Variants in RAI14 observed in about 807,000 individuals in gnomAD.
RAI14 encodes the protein retinoic acid induced 14.
A neutral mutation model predicts 115.4 loss-of-function variants in RAI14; 45 were observed. That is an observed-to-expected ratio of 0.39 (90% CI 0.31 to 0.50). The LOEUF (loss-of-function observed/expected upper bound fraction) is 0.50, where lower values mean the gene tolerates loss of function less well. Ranked by LOEUF, RAI14 falls within the 20% of genes least tolerant of loss-of-function variation. RAI14 has a pLI of 0.85. For missense variants in RAI14, 939 were observed against 1,131.2 expected, an observed-to-expected ratio of 0.83 and a Z score of 2.44; for synonymous variants, 371 against 415.4, an observed-to-expected ratio of 0.89 and a Z score of 1.30.
chr5:34,830,861 T>C lies in RAI14; in HGVS notation c.*96T>C. 6.4e-7 allele frequency: 1 copy of C among 1,569,734 alleles called. No homozygotes were observed. Among genetic ancestry groups the C allele is most frequent in the Non-Finnish European group, 8.6e-7 (1 of 1,157,628 alleles). On this transcript the variant is annotated 3_prime_UTR_variant, in exon 18 of 18. Coordinates refer to ENST00000265109, the MANE Select transcript of RAI14 (RefSeq NM_015577.3). The stretch of plus-strand genomic sequence containing the variant: ...GCTGCCATTGTTCTCATTCGTGGTA[T>C]GCACTGTGGCCTAGCGTAGCTTCTT...
At chr5:34,773,159 A>G (rs1750406785) in intron 3 of RAI14, among the ~76,000 whole-genome samples, 1 of 152,186 alleles carries the variant, frequency 6.6e-6, no homozygotes, top group Non-Finnish European at 1.5e-5. Flanking sequence ...GCAAAAAACG[A>G]TGGTGTGACC....
At chr5:34,757,390 C>A in intron 2 of RAI14, 78 bp from the exon 3 acceptor site, 1 of 1,523,792 alleles carries the variant, frequency 6.6e-7, no homozygotes. Flanking sequence ...GTGGGGGCTG[C>A]GAGGACTGCA....
intron 4 of RAI14, among the ~76,000 whole-genome samples, chr5:34,802,201 G>A (rs987162340): frequency 2.0e-5 from 3 of 152,148 alleles, no homozygotes; most frequent in Non-Finnish European, 4.4e-5. Context: ...GCTGCCTAAC[G>A]TCCTGTACTG....
At position 34,824,087 on chromosome 5, in the gene RAI14, G is replaced by T. The variant is rs748245032; in HGVS notation, c.2245G>T (p.Glu749Ter). 14 of 1,614,114 alleles carry T rather than the reference G, an allele frequency of 8.7e-6. No homozygotes were observed. Among genetic ancestry groups the T allele is most frequent in the South Asian group, 3.3e-5 (3 of 91,068 alleles). The change falls in exon 15 of 18, where the codon GAA becomes TAA. Residue 749 changes from glutamate to a stop codon, truncating the protein, a stop_gained. Coordinates refer to ENST00000265109, the MANE Select transcript of RAI14 (RefSeq NM_015577.3). LOFTEE classifies it high-confidence loss of function. ...GCGGACTGCAGCAAAAGAGATGGAA[G>T]AAAAAATAAGCAATCTTAAGGAACA... ...TLRTAAKEME[E>*]KISNLKEHLA...
intron 3 of RAI14, among the ~76,000 whole-genome samples, chr5:34,761,306 C>A (rs1256091897): frequency 6.6e-6 from 1 of 152,220 alleles, no homozygotes; most frequent in Non-Finnish European, 1.5e-5. Flanking sequence ...CCTGCCTCAG[C>A]CTCTCAATTA....
intron 1 of RAI14, among the ~76,000 whole-genome samples, chr5:34,682,812 G>A (rs947355866): frequency 6.6e-6 from 1 of 152,198 alleles, no homozygotes; most frequent in Non-Finnish European, 1.5e-5. Context: ...GTACATACTC[G>A]AATTAGGCTG....
At chr5:34,665,862 A>G (rs1191446816) in intron 1 of RAI14, among the ~76,000 whole-genome samples, 1 of 152,206 alleles carries the variant, frequency 6.6e-6, no homozygotes, top group Non-Finnish European at 1.5e-5. Flanking sequence ...CCTATCATAC[A>G]TGAGTGAAAA....
chr5:34,758,198 A>C (rs1055086075), intron 3 of RAI14, among the ~76,000 whole-genome samples: 1 of 152,192 alleles, frequency 6.6e-6, no homozygotes, highest in Admixed American at 6.5e-5. Context: ...ATCACTTACG[A>C]GTTGTGTAAT....
At chr5:34,785,932 A>G (rs1752242559) in intron 3 of RAI14, among the ~76,000 whole-genome samples, 1 of 152,212 alleles carries the variant, frequency 6.6e-6, no homozygotes, top group South Asian at 2.1e-4. Context: ...TTTTAAATGT[A>G]AACTAGACCT....
chr5:34,656,528 T>C (rs923926358), intron 1 of RAI14, 53 bp downstream of exon 1: 19 of 151,916 alleles, frequency 1.3e-4, no homozygotes, highest in African/African-American at 4.6e-4. Context: ...CCCGGGCTCG[T>C]GTCCCCGCCT....
Position 34,830,734 on chromosome 5 carries a change from CCAT to C in RAI14, c.2913_2915del (p.Met972del), listed in dbSNP as rs1460005129. 7 of 1,614,034 alleles carry C rather than the reference CCAT, an allele frequency of 4.3e-6. No homozygotes were observed. Among genetic ancestry groups the C allele is most frequent in the Non-Finnish European group, 5.9e-6 (7 of 1,180,018 alleles). On this transcript the variant is annotated inframe_deletion, in exon 18 of 18. Coordinates refer to ENST00000265109, the MANE Select transcript of RAI14 (RefSeq NM_015577.3). ...CAGAAAGTACTGAAGCAAATCCTTA[CCAT>C]GTGTAAAAACCAGTCTCAAAAGAAG...
At chr5:34,685,205 G>C (rs758053977) in intron 1 of RAI14, 2 of 146,976 alleles carry the variant, frequency 1.4e-5, no homozygotes, top group African/African-American at 2.5e-5. Context: ...AATATAGTGA[G>C]ACCCCATTCG....
intron 3 of RAI14, among the ~76,000 whole-genome samples, chr5:34,790,109 T>A (rs1252250025): frequency 1.3e-5 from 2 of 152,200 alleles, no homozygotes. Flanking sequence ...GAAAAGAAGT[T>A]CATAGTGTGG....
intron 2 of RAI14, among the ~76,000 whole-genome samples, chr5:34,704,412 A>G (rs1165617594): frequency 2.0e-5 from 3 of 152,224 alleles, no homozygotes; most frequent in Non-Finnish European, 4.4e-5. Context: ...ATAGCTGGAC[A>G]GTGTTTTCTG....
chr5:34,672,503 TAGGGTTTC>T (rs1005106829), intron 1 of RAI14, among the ~76,000 whole-genome samples: 24 of 152,164 alleles, frequency 1.6e-4, no homozygotes, highest in Non-Finnish European at 3.1e-4. Flanking sequence ...ATTGAAAGTC[TAGGGTTTC>T]AAATTTAGTT....
chr5:34,741,046 CA>C (rs1745453322), intron 2 of RAI14, among the ~76,000 whole-genome samples: 1 of 152,148 alleles, frequency 6.6e-6, no homozygotes, highest in Admixed American at 6.5e-5. Flanking sequence ...CTAAGGCTTC[CA>C]AACCCACTTA....
chr5:34,732,978 T>C (rs1253406365), intron 2 of RAI14: 1 of 152,108 alleles, frequency 6.6e-6, no homozygotes, highest in Non-Finnish European at 1.5e-5. Context: ...GAGTAACTTC[T>C]CTGTGTTGAG....
intron 4 of RAI14, among the ~76,000 whole-genome samples, chr5:34,798,109 C>A (rs1462586802): frequency 1.3e-5 from 2 of 152,202 alleles, no homozygotes; most frequent in Non-Finnish European, 2.9e-5. Context: ...GATCTCTGCT[C>A]ACTGCAACCT....
At chr5:34,744,870 A>G (rs973247878) in intron 2 of RAI14, among the ~76,000 whole-genome samples, 6 of 152,236 alleles carry the variant, frequency 3.9e-5, no homozygotes, top group African/African-American at 7.2e-5. Context: ...CCAAGGTTCT[A>G]GGGAAGAATC....
Sources: gnomAD v4.1 joint callset for allele counts (sites outside exome capture counted in the v4.1 genomes callset) on GRCh38, gnomAD v4.1.1 for gene constraint, MANE v1.5 for transcripts, NCBI Gene and HGNC (gene_info 2026-07-23, HGNC 2026-07-21) for gene names.